The following SLC35F4 variants were observed in gnomAD, a reference collection of about 807,000 sequenced individuals.
SLC35F4 encodes the protein solute carrier family 35 member F4.
Under a neutral mutation model 44.2 loss-of-function variants are expected in SLC35F4, and 24 were observed. The ratio of observed to expected loss-of-function variants is 0.54; its 90% CI spans 0.39 to 0.76. The LOEUF (loss-of-function observed/expected upper bound fraction) is 0.76. SLC35F4 is among the 30% of genes least tolerant of loss of function. The pLI, the probability that SLC35F4 is intolerant of heterozygous loss-of-function variation, is 0.00. For synonymous variants in SLC35F4, 238 were observed against 223.6 expected (o/e 1.06, Z -0.57); for missense variants, 562 against 586.1 (o/e 0.96, Z 0.42).
At chr14:57,643,792 G>A (rs1402256419) in intron 1 of SLC35F4, among the ~76,000 whole-genome samples, 5 of 151,716 alleles carry the variant, frequency 3.3e-5, no homozygotes, top group African/African-American at 1.2e-4. Flanking sequence ...AACAGGCCCG[G>A]GTGTGTGATG....
intron 1 of SLC35F4, among the ~76,000 whole-genome samples, chr14:57,901,367 G>T (rs1888997543): frequency 6.6e-6 from 1 of 152,192 alleles, no homozygotes; most frequent in Non-Finnish European, 1.5e-5. Context: ...CCTGTCTTTT[G>T]CAGAGACATG....
intron 1 of SLC35F4, among the ~76,000 whole-genome samples, chr14:57,818,645 A>C (rs2140905041): frequency 6.6e-6 from 1 of 152,338 alleles, no homozygotes; most frequent in African/African-American, 2.4e-5. Context: ...CAGGTATTAA[A>C]AAATAAAATA....
chr14:57,933,664 C>A (rs957879345), intron 1 of SLC35F4, among the ~76,000 whole-genome samples: 1 of 152,166 alleles, frequency 6.6e-6, no homozygotes, highest in Non-Finnish European at 1.5e-5. Context: ...GCTGTCATCT[C>A]CTCATTGAAA....
chr14:57,742,062 T>G (rs1697230677), intron 1 of SLC35F4, among the ~76,000 whole-genome samples: 1 of 151,874 alleles, frequency 6.6e-6, no homozygotes, highest in Admixed American at 6.5e-5. Flanking sequence ...CTAAAAGAGC[T>G]CCTGAAGGAA....
chr14:57,683,663 C>G (rs1315263979), intron 1 of SLC35F4, among the ~76,000 whole-genome samples: 1 of 152,168 alleles, frequency 6.6e-6, no homozygotes, highest in Non-Finnish European at 1.5e-5. Context: ...CCCTTTACTA[C>G]TATTTTGTGA....
Position 57,835,626 on chromosome 14 carries a change from A to G in SLC35F4, c.103+30097T>C, listed in dbSNP as rs575134745. On this transcript the variant is annotated intron_variant, in intron 1 of 7. Transcript: ENST00000556826. ...CTGTCATGTAATTACTGAGGACTCA[A>G]GAGTTGGCTGGAGAGGAATGACCCC... Among the ~76,000 whole-genome samples the G allele has an allele frequency of 8.5e-5, 13 of 152,344 alleles. No homozygotes were observed. The South Asian group carries it at 1.9e-3, about 22-fold the overall frequency.
At chr14:57,737,285 T>C (rs2076490915) in intron 1 of SLC35F4, among the ~76,000 whole-genome samples, 1 of 152,170 alleles carries the variant, frequency 6.6e-6, no homozygotes, top group African/African-American at 2.4e-5. Context: ...TAGGAATACC[T>C]GGGCTGACAT....
At chr14:57,602,723 AT>A (rs2070903836) in intron 1 of SLC35F4, among the ~76,000 whole-genome samples, 1 of 152,138 alleles carries the variant, frequency 6.6e-6, no homozygotes, top group Non-Finnish European at 1.5e-5. Context: ...CTCCACTGTT[AT>A]ACTTGTCAAG....
chr14:57,729,220 ATAT>A (rs1306654329), intron 1 of SLC35F4, among the ~76,000 whole-genome samples: 3 of 152,270 alleles, frequency 2.0e-5, no homozygotes, highest in East Asian at 3.9e-4. Flanking sequence ...AATTTCTCTG[ATAT>A]TATCCTCACT....
chr14:57,826,807 G>A (rs774842212), intron 1 of SLC35F4, among the ~76,000 whole-genome samples: 5 of 152,050 alleles, frequency 3.3e-5, no homozygotes, highest in Non-Finnish European at 5.9e-5. Context: ...ACCACAATGA[G>A]ATACCATCTC....
chr14:57,805,894 A>T (rs961286310), intron 1 of SLC35F4, among the ~76,000 whole-genome samples: 1 of 152,232 alleles, frequency 6.6e-6, no homozygotes, highest in Non-Finnish European at 1.5e-5. Flanking sequence ...GGTCACAACA[A>T]TGTAAAAAGA....
chr14:57,590,356 GCACTC>G (rs779684925), intron 2 of SLC35F4, among the ~76,000 whole-genome samples: 1 of 152,020 alleles, frequency 6.6e-6, no homozygotes, highest in Non-Finnish European at 1.5e-5. Context: ...TTGTACCACT[GCACTC>G]CAGTCTGGGT....
intron 1 of SLC35F4, among the ~76,000 whole-genome samples, chr14:57,704,499 G>A (rs1566779843): frequency 6.6e-6 from 1 of 152,116 alleles, no homozygotes; most frequent in Non-Finnish European, 1.5e-5. Flanking sequence ...AGCTGCTCCA[G>A]CCCCTTTGAG....
rs547639617 is a variant in SLC35F4, at chr14:57,742,930, G to A, written c.103+122793C>T. ...CAGGATAAGAAACTCACTCAAAACC[G>A]TTCAACTATATGGAATGTGAACAAC... On this transcript the variant is annotated intron_variant, in intron 1 of 7. Transcript: ENST00000556826. Among the ~76,000 whole-genome samples the A allele has an allele frequency of 2.8e-4, 42 of 152,230 alleles. 1 individual carries two copies. Among genetic ancestry groups the A allele is most frequent in the East Asian group, 7.7e-4 (4 of 5,176 alleles).
chr14:57,567,950 G>C (rs2068285042), intron 6 of SLC35F4, among the ~76,000 whole-genome samples: 3 of 152,216 alleles, frequency 2.0e-5, no homozygotes, highest in Admixed American at 6.5e-5. Flanking sequence ...GGTAGTTCAG[G>C]GTGCAGATTG....
At chr14:57,655,083 G>A (rs2073918676) in intron 1 of SLC35F4, among the ~76,000 whole-genome samples, 1 of 152,050 alleles carries the variant, frequency 6.6e-6, no homozygotes. Flanking sequence ...AATTGAGTGT[G>A]TTCTTTACTG....
intron 1 of SLC35F4, among the ~76,000 whole-genome samples, chr14:57,793,481 T>C (rs2077978822): frequency 6.6e-6 from 1 of 152,150 alleles, no homozygotes; most frequent in Admixed American, 6.6e-5. Context: ...CACTTATAGG[T>C]AAGAACATTT....
intron 1 of SLC35F4, among the ~76,000 whole-genome samples, chr14:57,627,251 T>C (rs912579320): frequency 5.3e-5 from 8 of 152,128 alleles, no homozygotes; most frequent in African/African-American, 1.9e-4. Context: ...TATTTTGTGA[T>C]CATTTGGACA....
At chr14:57,619,377 C>T (rs778529328) in intron 1 of SLC35F4, among the ~76,000 whole-genome samples, 25 of 150,936 alleles carry the variant, frequency 1.7e-4, no homozygotes, top group African/African-American at 3.5e-4. Context: ...CTGCAGCCTC[C>T]GCTGGTGATA....
Sources: allele counts gnomAD v4.1 joint callset (sites outside exome capture counted in the v4.1 genomes callset), GRCh38; gene constraint gnomAD v4.1.1; transcripts MANE v1.5; gene names NCBI Gene and HGNC (gene_info 2026-07-23, HGNC 2026-07-21).